Variants in SCFD2 observed in about 807,000 individuals in gnomAD.
The protein encoded by SCFD2 is sec1 family domain-containing protein 2.
In SCFD2, 54 loss-of-function variants were observed where a neutral mutation model predicts 58.9. The observed-to-expected ratio is 0.92, with a 90% CI of 0.74 to 1.15. The LOEUF is 1.15. Ranked by LOEUF, SCFD2 falls within the 50% of genes most tolerant of loss-of-function variation. SCFD2 has a pLI of 0.00. For missense variants in SCFD2, 805 were observed against 836.6 expected (o/e 0.96, Z 0.47); for synonymous variants, 321 against 335.9 (o/e 0.96, Z 0.49).
At chr4:53,133,389 C>G (rs1725850562) in intron 5 of SCFD2, among the ~76,000 whole-genome samples, 1 of 150,248 alleles carries the variant, frequency 6.7e-6, no homozygotes, top group Non-Finnish European at 1.5e-5. Flanking sequence ...ATAAAGAAGA[C>G]TCACTTTCTA....
intron 2 of SCFD2, among the ~76,000 whole-genome samples, chr4:53,337,151 G>A (rs914111827): frequency 2.0e-5 from 3 of 152,170 alleles, no homozygotes; most frequent in African/African-American, 7.2e-5. Context: ...CAAAGTTTTA[G>A]CAAGTCTGGT....
At chr4:53,005,431 C>T (rs1721952013) in intron 5 of SCFD2, among the ~76,000 whole-genome samples, 1 of 152,272 alleles carries the variant, frequency 6.6e-6, no homozygotes, top group African/African-American at 2.4e-5. Flanking sequence ...CAAGTTCTGG[C>T]CAATTCTGCA....
chr4:52,995,387 G>A (rs1166113930), intron 5 of SCFD2, among the ~76,000 whole-genome samples: 10 of 152,206 alleles, frequency 6.6e-5, no homozygotes, highest in Non-Finnish European at 2.9e-5. Flanking sequence ...CTCACCTCCT[G>A]CTGTGCAGCC....
At chr4:52,968,090 C>T (rs1560496596) in intron 5 of SCFD2, among the ~76,000 whole-genome samples, 1 of 152,060 alleles carries the variant, frequency 6.6e-6, no homozygotes, top group Non-Finnish European at 1.5e-5. Context: ...TTAATAGAGG[C>T]CATTTCATGG....
chr4:53,231,185 A>C (rs1729426304), intron 4 of SCFD2, among the ~76,000 whole-genome samples: 1 of 152,174 alleles, frequency 6.6e-6, no homozygotes, highest in African/African-American at 2.4e-5. Flanking sequence ...TTTAAAAAAA[A>C]ACCCTTCTTA....
At chr4:53,108,467 C>A (rs1185227136) in intron 5 of SCFD2, among the ~76,000 whole-genome samples, 1 of 151,718 alleles carries the variant, frequency 6.6e-6, no homozygotes, top group Non-Finnish European at 1.5e-5. Flanking sequence ...AGATAAGTGA[C>A]TAGTCAGACT....
intron 4 of SCFD2, among the ~76,000 whole-genome samples, chr4:53,254,527 T>A (rs1054114392): frequency 5.3e-5 from 8 of 151,360 alleles, no homozygotes; most frequent in Non-Finnish European, 1.2e-4. Flanking sequence ...TTAGTAGAGA[T>A]GGGGTTTCAC....
intron 3 of SCFD2, among the ~76,000 whole-genome samples, chr4:53,279,087 T>C (rs1387957218): frequency 6.6e-6 from 1 of 152,162 alleles, no homozygotes; most frequent in Non-Finnish European, 1.5e-5. Flanking sequence ...AGAATATTTA[T>C]TCATACTTCA....
chr4:53,227,617 C>T (rs573631872), intron 4 of SCFD2, among the ~76,000 whole-genome samples: 1 of 152,258 alleles, frequency 6.6e-6, no homozygotes, highest in Admixed American at 6.5e-5. Context: ...ACCTTTGGGG[C>T]TGAGCACTGG....
intron 7 of SCFD2, among the ~76,000 whole-genome samples, chr4:52,900,461 T>C (rs527907900): frequency 1.4e-3 from 220 of 152,314 alleles, no homozygotes; most frequent in African/African-American, 5.0e-3. Flanking sequence ...CAGTGGATAT[T>C]GGTGAACCGC....
At position 53,220,710 on chromosome 4, in the gene SCFD2, A is replaced by G. The variant is rs17082514; in HGVS notation, c.1311+53116T>C. On this transcript the variant is annotated intron_variant, in intron 4 of 8. Coordinates refer to ENST00000401642, the MANE Select transcript of SCFD2 (RefSeq NM_152540.4). Reference sequence around the variant, plus strand: ...GTAACAATATCCTTGAAGATTCAGAAGTCACATGCAAGGCTTCACACATAT... The same window carrying G: ...GTAACAATATCCTTGAAGATTCAGAGGTCACATGCAAGGCTTCACACATAT... Among the ~76,000 whole-genome samples, 1,392 of 152,360 alleles carry G rather than the reference A, an allele frequency of 9.1e-3. 21 individuals are homozygous for G. Among genetic ancestry groups the G allele is most frequent in the African/African-American group, 0.032 (1,313 of 41,574 alleles).
At position 53,145,379 on chromosome 4, in the gene SCFD2, G is replaced by C. The variant is rs140287142; in HGVS notation, c.1515C>G (p.Val505=). 6.2e-7 allele frequency: 1 copy of C among 1,614,128 alleles called. No homozygotes were observed. The highest frequency in any genetic ancestry group is 2.2e-5 in the East Asian group (1 of 44,876). Residue 505 remains valine (V), a synonymous_variant, in exon 5 of 9, where the codon GTC becomes GTG. Coordinates refer to ENST00000401642, the MANE Select transcript of SCFD2 (RefSeq NM_152540.4). ...EEKVKKALAQ[V]FCEESGLSPL... ...GTGACAATCCAGATTCCTCACAGAA[G>C]ACCTGAGCCAATGCTTTCTTGACTT... is the stretch of plus-strand genomic sequence containing the variant.
At chr4:53,221,506 C>A (rs1424645405) in intron 4 of SCFD2, among the ~76,000 whole-genome samples, 1 of 152,142 alleles carries the variant, frequency 6.6e-6, no homozygotes, top group Non-Finnish European at 1.5e-5. Context: ...ACTATTTATC[C>A]TTGACAATAC....
At chr4:53,286,663 T>A (rs1400512332) in intron 3 of SCFD2, among the ~76,000 whole-genome samples, 1 of 152,126 alleles carries the variant, frequency 6.6e-6, no homozygotes. Context: ...AAACAGAGCT[T>A]TGGCTGAGCT....
At chr4:53,227,993 A>C (rs1405262245) in intron 4 of SCFD2, among the ~76,000 whole-genome samples, 3 of 152,204 alleles carry the variant, frequency 2.0e-5, no homozygotes, top group South Asian at 2.1e-4. Context: ...AGTCAGGCAG[A>C]GACAGGATTG....
intron 1 of SCFD2, among the ~76,000 whole-genome samples, chr4:53,363,826 CAA>C (rs754101699): frequency 1.1e-4 from 12 of 107,172 alleles, no homozygotes; most frequent in African/African-American, 2.2e-4. Context: ...GACTCCGTCT[CAA>C]AAAAAAAAAA....
intron 3 of SCFD2, among the ~76,000 whole-genome samples, chr4:53,291,084 C>T (rs1010574851): frequency 3.3e-5 from 5 of 151,980 alleles, no homozygotes; most frequent in African/African-American, 1.2e-4. Flanking sequence ...GAATACTTCC[C>T]AACATATTTT....
intron 5 of SCFD2, among the ~76,000 whole-genome samples, chr4:53,103,897 T>TA (rs34101811): frequency 0.17 from 12,862 of 74,098 alleles, 1,448 homozygotes; most frequent in African/African-American, 0.36. Context: ...CAATATGAGC[T>TA]AAAAAAAAAA....
At chr4:53,307,466 G>A (rs1396610364) in intron 3 of SCFD2, among the ~76,000 whole-genome samples, 1 of 152,202 alleles carries the variant, frequency 6.6e-6, no homozygotes, top group African/African-American at 2.4e-5. Context: ...AAGTCAGACA[G>A]ATCCAGCTTT....
Sources: allele counts gnomAD v4.1 joint callset (sites outside exome capture counted in the v4.1 genomes callset), GRCh38; gene constraint gnomAD v4.1.1; transcripts MANE v1.5; gene names NCBI Gene and HGNC (gene_info 2026-07-23, HGNC 2026-07-21).